Variants in PISD observed in about 807,000 individuals in gnomAD.
PISD encodes phosphatidylserine decarboxylase proenzyme, mitochondrial.
Under a neutral mutation model 43.5 loss-of-function variants are expected in PISD, and 31 were observed. That is an observed-to-expected ratio of 0.71 (90% CI 0.54 to 0.96). The LOEUF (loss-of-function observed/expected upper bound fraction) is 0.96. PISD is among the 40% of genes least tolerant of loss of function. The probability of loss-of-function intolerance (pLI) is 0.00; values close to 1 mark genes in which losing one functional copy is unlikely to be tolerated. For missense variants in PISD, 523 were observed against 548.4 expected (o/e 0.95, Z 0.46); for synonymous variants, 259 against 228.7 (o/e 1.13, Z -1.20).
At position 31,648,138 on chromosome 22, in the gene PISD, C is replaced by T; in HGVS notation, c.284G>A (p.Gly95Glu). ...KYRERELEKL[G>E]LEIPPKLAGH... ...AGCAAGTTTGGGTGGAATCTCCAATCCCAGCTTCTCCAGCTCTCGCTCCCT... is the reference window on the plus strand; with the variant it reads ...AGCAAGTTTGGGTGGAATCTCCAATTCCAGCTTCTCCAGCTCTCGCTCCCT... The change falls in exon 3 of 8, where the codon GGA becomes GAA. Residue 95 changes from glycine (G) to glutamate (E), a missense_variant. Transcript: ENST00000439502. 1 of 1,612,214 alleles carries T rather than the reference C, an allele frequency of 6.2e-7. No homozygotes were observed. The highest frequency in any genetic ancestry group is 8.5e-7 in the Non-Finnish European group (1 of 1,179,824).
chr22:31,639,680 A>G (rs2147750183), intron 3 of PISD, among the ~76,000 whole-genome samples: 1 of 152,318 alleles, frequency 6.6e-6, no homozygotes, highest in East Asian at 1.9e-4. Flanking sequence ...AATAGGCAGC[A>G]TATCTGAAAT....
chr22:31,659,411 T>C (rs2074260792), intron 1 of PISD, among the ~76,000 whole-genome samples: 1 of 152,156 alleles, frequency 6.6e-6, no homozygotes, highest in Admixed American at 6.6e-5. Context: ...GTTGACAGTG[T>C]GGTTTGCAGT....
chr22:31,658,105 G>A (rs1387808111), intron 1 of PISD, among the ~76,000 whole-genome samples: 5 of 152,114 alleles, frequency 3.3e-5, no homozygotes, highest in African/African-American at 9.7e-5. Flanking sequence ...CGATGAACAC[G>A]GGGTTTATCT....
At chr22:31,651,221 C>T (rs937714069) in intron 1 of PISD, among the ~76,000 whole-genome samples, 2 of 152,162 alleles carry the variant, frequency 1.3e-5, no homozygotes, top group Non-Finnish European at 2.9e-5. Flanking sequence ...GCCTCAGCCT[C>T]CCAAAGTGCT....
chr22:31,642,398 T>A (rs1408565838), intron 3 of PISD, among the ~76,000 whole-genome samples: 1 of 151,058 alleles, frequency 6.6e-6, no homozygotes, highest in Non-Finnish European at 1.5e-5. Context: ...AAGGCTACAG[T>A]GAGCTGTGAC....
intron 3 of PISD, among the ~76,000 whole-genome samples, chr22:31,646,003 C>A (rs1219311609): frequency 2.0e-5 from 3 of 151,750 alleles, no homozygotes; most frequent in African/African-American, 7.3e-5. Flanking sequence ...AAAACACTTC[C>A]AGTCCCAAGC....
At chr22:31,651,479 C>T (rs2074026418) in intron 1 of PISD, among the ~76,000 whole-genome samples, 1 of 152,106 alleles carries the variant, frequency 6.6e-6, no homozygotes, top group South Asian at 2.1e-4. Flanking sequence ...AACTATTTCC[C>T]AATAAAAAGG....
chr22:31,644,938 G>A (rs2073840960), intron 3 of PISD, among the ~76,000 whole-genome samples: 1 of 151,896 alleles, frequency 6.6e-6, no homozygotes, highest in African/African-American at 2.4e-5. Flanking sequence ...GCCTGGCCAA[G>A]AGGGTGAACC....
chr22:31,620,688 G>A lies in PISD; in HGVS notation c.870C>T (p.Gly290=), dbSNP rs1569480330. ...AGAGCTCTTTGATCCAGCGAGCCAT[G>A]CCAGGGTTCACTGACATCAGGGAGC... ...FPGSLMSVNP[G]MARWIKELFC... The change falls in exon 7 of 8, where the codon GGC becomes GGT. Residue 290 remains glycine (G), a synonymous_variant. Transcript: ENST00000439502. 1 of 1,614,220 alleles carries A rather than the reference G, an allele frequency of 6.2e-7. No homozygotes were observed. The highest frequency in any genetic ancestry group is 2.2e-5 in the East Asian group (1 of 44,888).
intron 3 of PISD, among the ~76,000 whole-genome samples, chr22:31,626,968 G>A (rs559714255): frequency 1.3e-5 from 2 of 152,362 alleles, no homozygotes; most frequent in East Asian, 1.9e-4. Flanking sequence ...AATAGGCCAG[G>A]CATGGCCAGC....
intron 3 of PISD, chr22:31,625,979 T>C: frequency 6.1e-6 from 9 of 1,466,050 alleles, no homozygotes; most frequent in Admixed American, 2.4e-5. Flanking sequence ...TTTGGTTCAG[T>C]CTCGGTGGCT....
At position 31,621,766 on chromosome 22, in the gene PISD, A is replaced by G; in HGVS notation, c.441T>C (p.Phe147=). 1 of 1,614,162 alleles carries G rather than the reference A, an allele frequency of 6.2e-7. No homozygotes were observed. Among genetic ancestry groups the G allele is most frequent in the Non-Finnish European group, 8.5e-7 (1 of 1,180,042 alleles). ...RPVYSLYIWT[F]GVNMKEAAVE... ...CAGCGGCCTCTTTCATGTTCACCCCAAACGTCCAGATGTACAGGCTGTAGA... is the reference window on the plus strand; with the variant it reads ...CAGCGGCCTCTTTCATGTTCACCCCGAACGTCCAGATGTACAGGCTGTAGA... The change falls in exon 4 of 8, where the codon TTT becomes TTC. Residue 147 remains phenylalanine, a synonymous_variant. Transcript: ENST00000439502.
chr22:31,619,374 C>G lies in PISD; in HGVS notation c.*238G>C. 3 of 604,464 alleles carry G rather than the reference C, an allele frequency of 5.0e-6. No individual in the cohort carries two copies. Among genetic ancestry groups the G allele is most frequent in the Non-Finnish European group, 6.1e-6 (2 of 326,394 alleles). The allele number at this position is 604,464 out of a possible 1,614,324, so 37.4% of individuals were successfully genotyped here. On this transcript the variant is annotated 3_prime_UTR_variant, in exon 8 of 8. Transcript: ENST00000439502. ...GTGACTGAGATCATTCCAGCCTGCA[C>G]TTTTTATTTGTAGGCAGAAGGAACG...
intron 1 of PISD, among the ~76,000 whole-genome samples, chr22:31,655,501 G>C (rs2074145656): frequency 6.6e-6 from 1 of 152,050 alleles, no homozygotes; most frequent in African/African-American, 2.4e-5. Context: ...TATTTGTGGA[G>C]ATAAATAAGG....
intron 3 of PISD, chr22:31,628,750 G>T: frequency 2.4e-6 from 2 of 832,920 alleles, no homozygotes; most frequent in Non-Finnish European, 2.9e-6. Context: ...ACCCCCTTGA[G>T]GCTCAGAGCA....
intron 3 of PISD, among the ~76,000 whole-genome samples, chr22:31,634,782 G>C (rs1458604494): frequency 7.4e-6 from 1 of 135,320 alleles, no homozygotes; most frequent in Non-Finnish European, 1.5e-5. Context: ...AGGTTGCAGT[G>C]AGCTGAGATT....
rs142790252 is a variant in PISD at position 31,662,167 on chromosome 22, G to A, written c.42C>T (p.His14=). 1,328 of 1,606,914 alleles carry A rather than the reference G, an allele frequency of 8.3e-4. 3 individuals carry two copies. The highest frequency in any genetic ancestry group is 1.1e-3 in the Non-Finnish European group (1,243 of 1,179,804). Residue 14 remains histidine (H), a synonymous_variant, in exon 1 of 8, where the codon CAC becomes CAT. Transcript: ENST00000439502. ...SVGHRCLGLL[H]GVAPWRSSLH... ...ACCTGCTCCGCCACGGCGCGACCCCGTGCAGTAATCCCAGACATCGGTGCC... is the reference window on the plus strand; with the variant it reads ...ACCTGCTCCGCCACGGCGCGACCCCATGCAGTAATCCCAGACATCGGTGCC...
intron 1 of PISD, among the ~76,000 whole-genome samples, chr22:31,657,906 A>G (rs2074224249): frequency 6.6e-6 from 1 of 152,084 alleles, no homozygotes; most frequent in Admixed American, 6.6e-5. Context: ...CCATCCTTCT[A>G]CTATCTCCAT....
At chr22:31,625,610 C>T (rs62237838) in intron 3 of PISD, 40,235 of 915,700 alleles carry the variant, frequency 0.044, 994 homozygotes, top group Non-Finnish European at 0.05. Context: ...TCAGGGTGCT[C>T]AGGCCCCCCA....
Sources: gnomAD v4.1 joint callset for allele counts (sites outside exome capture counted in the v4.1 genomes callset) on GRCh38, gnomAD v4.1.1 for gene constraint, MANE v1.5 for transcripts, NCBI Gene and HGNC (gene_info 2026-07-23, HGNC 2026-07-21) for gene names.